Variants in PRDM8 observed in about 807,000 individuals in gnomAD.
PRDM8 encodes the protein PR domain zinc finger protein 8.
PRDM8 carries 13 observed loss-of-function variants against 46.5 expected under a neutral mutation model. The ratio of observed to expected loss-of-function variants is 0.28; its 90% CI spans 0.18 to 0.44. PRDM8 has a LOEUF of 0.44. Ranked by LOEUF, PRDM8 falls within the 20% of genes least tolerant of loss-of-function variation. The pLI is 1.00. For synonymous variants in PRDM8, 473 were observed against 438.4 expected, an observed-to-expected ratio of 1.08 and a Z score of -0.98; for missense variants, 998 against 955.0, an observed-to-expected ratio of 1.04 and a Z score of -0.59.
chr4:80,194,768 C>CA (rs1454538637), upstream of PRDM8, among the ~76,000 whole-genome samples: 3 of 151,982 alleles, frequency 2.0e-5, no homozygotes, highest in Non-Finnish European at 4.4e-5. Flanking sequence ...AATTAGAGGG[C>CA]AAAAAAGTGA....
chr4:80,194,238 A>G, upstream of PRDM8: 1 of 975,324 alleles, frequency 1.0e-6, no homozygotes. Flanking sequence ...AAGTGGAACA[A>G]GGTGAGCATA....
chr4:80,196,970 C>G (rs1738007737), upstream of PRDM8: 2 of 985,328 alleles, frequency 2.0e-6, no homozygotes, highest in African/African-American at 1.7e-5. Flanking sequence ...CAGGGGGAAG[C>G]TTGGTAGTGT....
At chr4:80,195,982 T>C, upstream of PRDM8, 2 of 766,138 alleles carry the variant, frequency 2.6e-6, no homozygotes, top group African/African-American at 3.9e-5. Context: ...ATGAACTTCA[T>C]GGGAAAGTCC....
At chr4:80,194,360 T>C (rs1207502079), upstream of PRDM8, 2 of 368,306 alleles carry the variant, frequency 5.4e-6, no homozygotes, top group East Asian at 3.3e-4. Context: ...CATAAAACTA[T>C]TGACTAGGTA....
At chr4:80,199,740 C>CAT (rs148169468) in intron 1 of PRDM8, among the ~76,000 whole-genome samples, 7,323 of 73,904 alleles carry the variant, frequency 0.099, 246 homozygotes, top group Middle Eastern at 0.13. Flanking sequence ...TGTGTGTGTA[C>CAT]ATATATATAT....
chr4:80,203,762 A>C lies in PRDM8; in HGVS notation c.*230A>C. 1 of 434,256 alleles carries C rather than the reference A, an allele frequency of 2.3e-6. No homozygotes were observed. The highest frequency in any genetic ancestry group is 4.0e-6 in the Non-Finnish European group (1 of 251,510). 26.9% of individuals were successfully genotyped at this position (434,256 alleles called of 1,614,324 possible). A position where few individuals can be genotyped will look rare whatever the true frequency, so the allele number is the denominator to read the frequency against. ...CACCCCCCCCCACACACACACACAG[A>C]CACACTCACACACAAGAGCCAGGAT... On this transcript the variant is annotated 3_prime_UTR_variant, in exon 4 of 4. Transcript: ENST00000415738.
Position 80,202,722 on chromosome 4 carries a change from C to T in PRDM8, c.1260C>T (p.Gly420=), listed in dbSNP as rs1738615886. 7.6e-7 allele frequency: 1 copy of T among 1,314,934 alleles called. No homozygotes were observed. The highest frequency in any genetic ancestry group is 2.8e-4 in the Middle Eastern group (1 of 3,584). The allele number at this position is 1,314,934 out of a possible 1,614,324, so 81.5% of individuals were successfully genotyped here. The change falls in exon 4 of 4, where the codon GGC becomes GGT. Residue 420 remains glycine (G), a synonymous_variant. Transcript: ENST00000415738. The part of the protein sequence containing the change: ...ASEDQDAGGG[G]GSSTPAAASP... ...AGGACCAGGACGCTGGCGGCGGCGG[C>T]GGCTCCTCCACGCCCGCGGCCGCGT...
Position 80,203,857 on chromosome 4 carries a change from A to G in PRDM8, c.*325A>G, listed in dbSNP as rs1738786063. The G allele has an allele frequency of 4.6e-6, 1 of 215,528 alleles. No individual in the cohort carries two copies. Among genetic ancestry groups the G allele is most frequent in the Non-Finnish European group, 9.3e-6 (1 of 106,978 alleles). The allele number at this position is 215,528 out of a possible 1,614,324, so 13.4% of individuals were successfully genotyped here. On this transcript the variant is annotated 3_prime_UTR_variant, in exon 4 of 4. Transcript: ENST00000415738. ...GAATGCACGCATTTTCACTTTCCCC[A>G]AAACAAAGGTACATTTTTTAAAATG...
At position 80,187,247 on chromosome 4, in the gene PRDM8, G is replaced by GGA. The variant is rs140564610; in HGVS notation, c.-983+1730_-983+1731insAG. ...GCTGTATCAGCATTCTCTGCCCTGGGGCGGGGGGAAGCAGAAGAATATCAT... is the reference window on the plus strand; with the variant it reads ...GCTGTATCAGCATTCTCTGCCCTGGGGAGCGGGGGGAAGCAGAAGAATATCAT... On this transcript the variant is annotated intron_variant, in intron 1 of 9. Coordinates refer to the PRDM8 transcript ENST00000339711. 1.7e-5 allele frequency among the ~76,000 whole-genome samples: 2 copies of GGA among 119,896 alleles called. 1 individual carries two copies. The highest frequency in any genetic ancestry group is 6.5e-5 in the African/African-American group (2 of 30,766). The allele number at this position is 119,896 out of a possible 152,430, so 78.7% of individuals were successfully genotyped here. A position where few individuals can be genotyped will look rare whatever the true frequency, so the allele number is the denominator to read the frequency against.
chr4:80,197,782 A>C lies in PRDM8; in HGVS notation c.-3+19A>C. 1 of 985,240 alleles carries C rather than the reference A, an allele frequency of 1.0e-6. No individual in the cohort carries two copies. Among genetic ancestry groups the C allele is most frequent in the Non-Finnish European group, 1.2e-6 (1 of 829,446 alleles). The allele number at this position is 985,240 out of a possible 1,614,324, so 61.0% of individuals were successfully genotyped here. A position where few individuals can be genotyped will look rare whatever the true frequency, so the allele number is the denominator to read the frequency against. ...ATTCCTGGTAAGTCTATTTGCATTG[A>C]TGTGGGAGGGGGATGGGAGGAAGAC... On this transcript the variant is annotated intron_variant, in intron 1 of 3. Coordinates refer to ENST00000415738, the MANE Select transcript of PRDM8 (RefSeq NM_001099403.2).
chr4:80,196,230 A>G, upstream of PRDM8: 1 of 929,018 alleles, frequency 1.1e-6, no homozygotes, highest in African/African-American at 1.8e-5. Context: ...CACTTTAGCT[A>G]GCTACACAAT....
In PRDM8 at chr4:80,203,614, G is replaced by A. The variant is rs1271690435; in HGVS notation, c.*82G>A. The A allele has an allele frequency of 2.0e-6, 3 of 1,481,450 alleles. No individual in the cohort carries two copies. The highest frequency in any genetic ancestry group is 1.8e-6 in the Non-Finnish European group (2 of 1,113,680). The allele number at this position is 1,481,450 out of a possible 1,614,324, so 91.8% of individuals were successfully genotyped here. ...GAATAAACACGCGAGAACATCCACC[G>A]CTTCCTTGCACCCCGAAACCCTGCA... On this transcript the variant is annotated 3_prime_UTR_variant, in exon 4 of 4. Coordinates refer to ENST00000415738, the MANE Select transcript of PRDM8 (RefSeq NM_001099403.2).
chr4:80,202,858 C>G lies in PRDM8; in HGVS notation c.1396C>G (p.Leu466Val). The G allele has an allele frequency of 1.6e-6, 2 of 1,241,372 alleles. No homozygotes were observed. The highest frequency in any genetic ancestry group is 3.4e-5 in the East Asian group (1 of 29,730). The allele number at this position is 1,241,372 out of a possible 1,614,324, so 76.9% of individuals were successfully genotyped here. A position where few individuals can be genotyped will look rare whatever the true frequency, so the allele number is the denominator to read the frequency against. Reference protein sequence around the residue: ...RGSAFTSVPQLGSAGSTSGGG... With the variant: ...RGSAFTSVPQVGSAGSTSGGG... Reference sequence around the variant, plus strand: ...CAGCGCCTTCACTTCGGTGCCGCAGCTGGGCAGCGCGGGCAGCACCAGCGG... The same window carrying G: ...CAGCGCCTTCACTTCGGTGCCGCAGGTGGGCAGCGCGGGCAGCACCAGCGG... The change falls in exon 4 of 4, where the codon CTG becomes GTG. Residue 466 changes from leucine to valine, a missense_variant. Coordinates refer to ENST00000415738, the MANE Select transcript of PRDM8 (RefSeq NM_001099403.2).
chr4:80,196,046 CA>C, upstream of PRDM8: 2 of 985,064 alleles, frequency 2.0e-6, no homozygotes, highest in Non-Finnish European at 2.4e-6. Flanking sequence ...GGACTGCAGT[CA>C]CCAGGCTGTC....
At chr4:80,200,485 T>G (rs1025591048) in intron 2 of PRDM8, among the ~76,000 whole-genome samples, 186 bp downstream of exon 2, 2 of 152,272 alleles carry the variant, frequency 1.3e-5, no homozygotes, top group Non-Finnish European at 2.9e-5. Flanking sequence ...GTCAACTGAT[T>G]TTTTGGAATA....
Position 80,202,707 on chromosome 4 carries a change from C to G in PRDM8, c.1245C>G (p.Asp415Glu), listed in dbSNP as rs1014511302. ...CGGGAGTCGCCTCCGAGGACCAGGACGCTGGCGGCGGCGGCGGCTCCTCCA... is the reference window on the plus strand; with the variant it reads ...CGGGAGTCGCCTCCGAGGACCAGGAGGCTGGCGGCGGCGGCGGCTCCTCCA... ...DGAGVASEDQ[D>E]AGGGGGSSTP... is the part of the protein sequence containing the mutation. Residue 415 changes from aspartate to glutamate, a missense_variant, in exon 4 of 4, where the codon GAC (aspartate) becomes GAG (glutamate). Transcript: ENST00000415738. 6.8e-6 allele frequency: 9 copies of G among 1,329,978 alleles called. No homozygotes were observed. In the East Asian group the frequency reaches 2.2e-4, roughly 32 times the overall value. 82.4% of individuals were successfully genotyped at this position (1,329,978 alleles called of 1,614,324 possible). A position where few individuals can be genotyped will look rare whatever the true frequency, so the allele number is the denominator to read the frequency against.
rs780056353 is a variant in PRDM8 at position 80,203,080 on chromosome 4, G to T, written c.1618G>T (p.Ala540Ser). ...DGVGPTRLYPAAADPLAVKLQ... is the reference protein window; with the variant it reads ...DGVGPTRLYPSAADPLAVKLQ... Reference sequence around the variant, plus strand: ...CGTGGGCCCCACCAGACTCTATCCCGCCGCCGCGGACCCTCTAGCGGTGAA... The same window carrying T: ...CGTGGGCCCCACCAGACTCTATCCCTCCGCCGCGGACCCTCTAGCGGTGAA... The change falls in exon 4 of 4, where the codon GCC becomes TCC. Residue 540 changes from alanine to serine, a missense_variant. By Grantham distance (99) the Ala-to-Ser change is moderately conservative. Coordinates refer to ENST00000415738, the MANE Select transcript of PRDM8 (RefSeq NM_001099403.2). The T allele has an allele frequency of 1.3e-5, 20 of 1,567,958 alleles. No individual in the cohort carries two copies. The highest frequency in any genetic ancestry group is 1.1e-4 in the Admixed American group (6 of 57,016).
At chr4:80,197,458 C>T, upstream of PRDM8, 2 of 985,856 alleles carry the variant, frequency 2.0e-6, no homozygotes, top group South Asian at 4.7e-5. Context: ...CGTCATTGGG[C>T]AGATTATGTG....
Position 80,202,261 on chromosome 4 carries a change from G to C in PRDM8, c.799G>C (p.Glu267Gln). The C allele has an allele frequency of 6.2e-7, 1 of 1,609,938 alleles. No individual in the cohort carries two copies. The highest frequency in any genetic ancestry group is 8.5e-7 in the Non-Finnish European group (1 of 1,179,196). The change falls in exon 4 of 4, where the codon GAG becomes CAG. Residue 267 changes from glutamate (E) to glutamine (Q), a missense_variant. Glu to Gln is a conservative substitution (Grantham distance 29). Coordinates refer to ENST00000415738, the MANE Select transcript of PRDM8 (RefSeq NM_001099403.2). ...PSTDFHNLAR[E>Q]LENSRGGSSC... is the part of the protein sequence containing the mutation. ...CACAGACTTCCACAACCTGGCCAGGGAGCTGGAAAACTCCCGGGGAGGCAG... is the reference window on the plus strand; with the variant it reads ...CACAGACTTCCACAACCTGGCCAGGCAGCTGGAAAACTCCCGGGGAGGCAG...
Sources: allele counts gnomAD v4.1 joint callset (sites outside exome capture counted in the v4.1 genomes callset), GRCh38; gene constraint gnomAD v4.1.1; transcripts MANE v1.5; gene names NCBI Gene and HGNC (gene_info 2026-07-23, HGNC 2026-07-21).